TBC1D22A: variants seen among roughly 807,000 people sequenced by gnomAD.
The protein encoded by TBC1D22A is putative GTPase activator.
TBC1D22A carries 38 observed loss-of-function variants against 60.2 expected under a neutral mutation model. That is an observed-to-expected ratio of 0.63 (90% confidence interval 0.49 to 0.83). The LOEUF is 0.83. TBC1D22A is among the 40% of genes least tolerant of loss of function. The pLI is 0.00. For synonymous variants in TBC1D22A, 302 were observed against 281.7 expected (o/e 1.07, Z -0.72); for missense variants, 628 against 701.0 (o/e 0.90, Z 1.18).
At chr22:47,149,036 G>T (rs2067395181) in intron 12 of TBC1D22A, among the ~76,000 whole-genome samples, 1 of 149,836 alleles carries the variant, frequency 6.7e-6, no homozygotes, top group Non-Finnish European at 1.5e-5. Context: ...GGACGAGTAG[G>T]CAGAGATAAG....
At chr22:46,827,132 C>T (rs1345658108) in intron 4 of TBC1D22A, among the ~76,000 whole-genome samples, 1 of 152,204 alleles carries the variant, frequency 6.6e-6, no homozygotes, top group Non-Finnish European at 1.5e-5. Flanking sequence ...CACGATTCCT[C>T]AGCACTCTTT....
intron 11 of TBC1D22A, among the ~76,000 whole-genome samples, chr22:47,068,852 C>G (rs1603228782): frequency 1.3e-5 from 2 of 152,134 alleles, no homozygotes; most frequent in African/African-American, 4.8e-5. Context: ...TCCCCATCAG[C>G]CAGTTTCCCT....
chr22:47,137,947 C>T (rs1366099281), intron 12 of TBC1D22A, among the ~76,000 whole-genome samples: 1 of 152,140 alleles, frequency 6.6e-6, no homozygotes, highest in Non-Finnish European at 1.5e-5. Context: ...CTCTTCAGGG[C>T]TCAGCATCTC....
intron 4 of TBC1D22A, among the ~76,000 whole-genome samples, chr22:46,865,591 C>G (rs576861393): frequency 6.6e-6 from 1 of 152,174 alleles, no homozygotes; most frequent in African/African-American, 2.4e-5. Context: ...ATCAGTATCC[C>G]CAAGGGAAAT....
intron 11 of TBC1D22A, among the ~76,000 whole-genome samples, chr22:47,084,996 G>T (rs1163512670): frequency 6.6e-6 from 1 of 152,124 alleles, no homozygotes; most frequent in African/African-American, 2.4e-5. Flanking sequence ...AAAATATTTT[G>T]AGGCCAGGCA....
chr22:47,078,381 C>T (rs997877606), intron 11 of TBC1D22A, among the ~76,000 whole-genome samples: 2 of 152,320 alleles, frequency 1.3e-5, no homozygotes, highest in African/African-American at 4.8e-5. Context: ...GAATTGCAAT[C>T]GTGTATGCAA....
intron 4 of TBC1D22A, among the ~76,000 whole-genome samples, chr22:46,800,626 G>A (rs2084857181): frequency 6.6e-6 from 1 of 152,166 alleles, no homozygotes. Context: ...TTGCGTGATA[G>A]ACATGATGAA....
chr22:46,816,144 C>G (rs1247528507), intron 4 of TBC1D22A, among the ~76,000 whole-genome samples: 1 of 152,196 alleles, frequency 6.6e-6, no homozygotes, highest in Non-Finnish European at 1.5e-5. Context: ...GGACCTCCTG[C>G]TGCGGCCGGC....
chr22:46,978,721 G>A (rs879812820), intron 9 of TBC1D22A, among the ~76,000 whole-genome samples: 3 of 152,002 alleles, frequency 2.0e-5, no homozygotes, highest in Non-Finnish European at 4.4e-5. Context: ...GCGATTCTCC[G>A]CCTCAGCCTC....
At chr22:46,762,945 A>G in intron 1 of TBC1D22A, 97 bp downstream of exon 1, 1 of 1,183,384 alleles carries the variant, frequency 8.5e-7, no homozygotes, top group Non-Finnish European at 1.1e-6. Flanking sequence ...GGGTCTGGAG[A>G]GGGCAACTTG....
rs138634706 is a variant in TBC1D22A at position 46,969,923 on chromosome 22, C to T, written c.1016-4367C>T. Among the ~76,000 whole-genome samples the T allele has an allele frequency of 5.4e-3, 815 of 152,182 alleles. 9 individuals carry two copies. The highest frequency in any genetic ancestry group is 0.018 in the African/African-American group (766 of 41,496). On this transcript the variant is annotated intron_variant, in intron 8 of 12. Transcript: ENST00000337137. ...TACAATCATATTTCAGATGGAAACG[C>T]GCTGGTTTAAGTTTCATTATTTTTA...
In TBC1D22A at chr22:47,173,743, C is replaced by G; in HGVS notation, c.*117C>G. Reference sequence around the variant, plus strand: ...TGCTAAAAGGCCTTGTGAGGTGGCCCCACCCTCCAGGGGAGCTGGTGAAGA... The same window carrying G: ...TGCTAAAAGGCCTTGTGAGGTGGCCGCACCCTCCAGGGGAGCTGGTGAAGA... On this transcript the variant is annotated 3_prime_UTR_variant, in exon 13 of 13. Coordinates refer to ENST00000337137, the MANE Select transcript of TBC1D22A (RefSeq NM_014346.5). 1 of 1,497,780 alleles carries G rather than the reference C, an allele frequency of 6.7e-7. No individual in the cohort carries two copies. The highest frequency in any genetic ancestry group is 1.2e-5 in the South Asian group (1 of 82,262). 92.8% of individuals were successfully genotyped at this position (1,497,780 alleles called of 1,614,324 possible).
At chr22:46,775,867 A>C (rs1217113390) in intron 1 of TBC1D22A, among the ~76,000 whole-genome samples, 1 of 152,238 alleles carries the variant, frequency 6.6e-6, no homozygotes, top group Non-Finnish European at 1.5e-5. Context: ...GATACGGTGT[A>C]CCTTTAAAAT....
intron 10 of TBC1D22A, 74 bp downstream of exon 10, chr22:46,997,783 G>GCTCC: frequency 1.4e-6 from 2 of 1,404,188 alleles, no homozygotes; most frequent in Non-Finnish European, 2.0e-6. Flanking sequence ...GGGACAGGGA[G>GCTCC]CTGTCCTCAT....
chr22:46,817,558 A>G (rs1205747673), intron 4 of TBC1D22A, among the ~76,000 whole-genome samples: 1 of 152,182 alleles, frequency 6.6e-6, no homozygotes, highest in African/African-American at 2.4e-5. Context: ...TTCCAGCTTC[A>G]TCCATGTCCC....
intron 4 of TBC1D22A, among the ~76,000 whole-genome samples, chr22:46,802,277 A>G (rs2084931696): frequency 1.3e-5 from 2 of 151,158 alleles, no homozygotes; most frequent in African/African-American, 4.9e-5. Context: ...GTGAGGAGAC[A>G]GAGGGAGCTC....
In TBC1D22A at chr22:46,878,641, T is replaced by A; in HGVS notation, c.638-12T>A. On this transcript the variant is annotated splice_polypyrimidine_tract_variant and intron_variant, in intron 4 of 12. Coordinates refer to ENST00000337137, the MANE Select transcript of TBC1D22A (RefSeq NM_014346.5). ...AAATCTTGTTTTTCCTTGTCTCTTT[T>A]TTCATCAACAGAGGAATTACGGAGG... 1.9e-6 allele frequency: 3 copies of A among 1,613,064 alleles called. No homozygotes were observed.
intron 10 of TBC1D22A, among the ~76,000 whole-genome samples, chr22:47,013,517 C>A (rs1371741130): frequency 5.3e-5 from 8 of 152,180 alleles, no homozygotes; most frequent in Non-Finnish European, 1.2e-4. Flanking sequence ...AAAGTCGTTG[C>A]TGATCATGGT....
intron 10 of TBC1D22A, among the ~76,000 whole-genome samples, chr22:47,023,800 A>T (rs1226868007): frequency 6.6e-6 from 1 of 152,228 alleles, no homozygotes. Context: ...AGCTAAAGGA[A>T]TTCGACACCA....
Sources: gnomAD v4.1 joint callset for allele counts (sites outside exome capture counted in the v4.1 genomes callset) on GRCh38, gnomAD v4.1.1 for gene constraint, MANE v1.5 for transcripts, NCBI Gene and HGNC (gene_info 2026-07-23, HGNC 2026-07-21) for gene names.